PIGK: variants seen among roughly 807,000 people sequenced by gnomAD.
PIGK encodes the protein phosphatidylinositol glycan anchor biosynthesis class K.
Under a neutral mutation model 50.6 loss-of-function variants are expected in PIGK, and 42 were observed. The observed-to-expected ratio is 0.83, with a 90% confidence interval of 0.65 to 1.07. The LOEUF (loss-of-function observed/expected upper bound fraction) is 1.07. Among genes scored for constraint, PIGK ranks in the 50% least tolerant of loss-of-function variants. The pLI is 0.00. For missense variants in PIGK, 448 were observed against 488.7 expected, an observed-to-expected ratio of 0.92 and a Z score of 0.78; for synonymous variants, 151 against 156.0, an observed-to-expected ratio of 0.97 and a Z score of 0.24.
intron 9 of PIGK, among the ~76,000 whole-genome samples, chr1:77,125,242 A>G (rs996058457): frequency 6.6e-6 from 1 of 152,204 alleles, no homozygotes; most frequent in African/African-American, 2.4e-5. Context: ...AAAATTCCAA[A>G]CATGTTTCTG....
At chr1:77,204,149 T>C (rs1656235517) in intron 3 of PIGK, among the ~76,000 whole-genome samples, 2 of 152,134 alleles carry the variant, frequency 1.3e-5, no homozygotes, top group South Asian at 4.1e-4. Context: ...TATTGCTGAA[T>C]TGTTTTTCTC....
chr1:77,163,589 C>T (rs1655173595), intron 6 of PIGK, among the ~76,000 whole-genome samples: 1 of 152,002 alleles, frequency 6.6e-6, no homozygotes, highest in Non-Finnish European at 1.5e-5. Flanking sequence ...TGGAGGGACA[C>T]TTATTTCCTC....
At chr1:77,167,445 TGCAAAATTATTTATCTG>T (rs2100559499) in intron 4 of PIGK, among the ~76,000 whole-genome samples, 1 of 152,328 alleles carries the variant, frequency 6.6e-6, no homozygotes, top group African/African-American at 2.4e-5. Flanking sequence ...ACTAAAAAGC[TGCAAAATTATTTATCTG>T]GCTGGGCATG....
Position 77,089,221 on chromosome 1 carries a change from A to T in PIGK, c.*3153T>A, listed in dbSNP as rs1378083532. The T allele has an allele frequency of 6.6e-6, 1 of 152,238 alleles. No individual in the cohort carries two copies. The highest frequency in any genetic ancestry group is 6.5e-5 in the Admixed American group (1 of 15,282). 9.4% of individuals were successfully genotyped at this position (152,238 alleles called of 1,614,324 possible). Reference sequence around the variant, plus strand: ...TTAAGTAGCAGGTACATGTGTAAATAGGGCAGGCAGCAACAGAACAGCAAT... The same window carrying T: ...TTAAGTAGCAGGTACATGTGTAAATTGGGCAGGCAGCAACAGAACAGCAAT... On this transcript the variant is annotated 3_prime_UTR_variant, in exon 11 of 11. Coordinates refer to ENST00000370812, the MANE Select transcript of PIGK (RefSeq NM_005482.3).
At chr1:77,094,811 T>G (rs1653371734) in intron 10 of PIGK, among the ~76,000 whole-genome samples, 1 of 152,180 alleles carries the variant, frequency 6.6e-6, no homozygotes, top group South Asian at 2.1e-4. Context: ...TGGAGGCACT[T>G]CATTCTGGTC....
chr1:77,169,355 G>T lies in PIGK; in HGVS notation c.280C>A (p.Pro94Thr), dbSNP rs769893344. The change falls in exon 4 of 11, where the codon CCT (proline) becomes ACT (threonine). Residue 94 changes from proline (P) to threonine (T), a missense_variant. Transcript: ENST00000370812. ...ACTGTAGCTGGTTTGGGATTTCTAG[G>T]ATTACAGGCCATATCATCTGCAAGC... ...LMLADDMACN[P>T]RNPKPATVFS... 1 of 1,606,752 alleles carries T rather than the reference G, an allele frequency of 6.2e-7. No individual in the cohort carries two copies.
intron 9 of PIGK, among the ~76,000 whole-genome samples, chr1:77,123,997 G>A (rs568565735): frequency 2.0e-5 from 3 of 151,910 alleles, no homozygotes; most frequent in Admixed American, 6.6e-5. Context: ...GCAGGACACC[G>A]AGACAGTAAA....
intron 6 of PIGK, 69 bp from the exon 7 acceptor site, chr1:77,161,780 ACT>A (rs1491314297): frequency 2.7e-6 from 2 of 744,968 alleles, no homozygotes; most frequent in East Asian, 4.9e-5. Context: ...TTTCTACAAT[ACT>A]TTTGTAAGAT....
rs114379270 is a variant in PIGK at position 77,188,896 on chromosome 1, C to T, written c.239+17744G>A. Among the ~76,000 whole-genome samples, 573 of 152,264 alleles carry T rather than the reference C, an allele frequency of 3.8e-3. 5 individuals carry two copies. Among genetic ancestry groups the T allele is most frequent in the African/African-American group, 0.013 (542 of 41,546 alleles). ...AAAAAAACCAAGACTTGTTAAGGTG[C>T]TTGCTGAAGGCAAAAGGAATACAGG... On this transcript the variant is annotated intron_variant, in intron 3 of 10. Coordinates refer to ENST00000370812, the MANE Select transcript of PIGK (RefSeq NM_005482.3).
chr1:77,126,363 T>C (rs935774650), intron 9 of PIGK, among the ~76,000 whole-genome samples: 1 of 151,856 alleles, frequency 6.6e-6, no homozygotes, highest in African/African-American at 2.4e-5. Flanking sequence ...TAACAAGTTA[T>C]CTTGCAATGG....
chr1:77,177,965 T>A lies in PIGK; in HGVS notation c.240-8570A>T, dbSNP rs115853260. Among the ~76,000 whole-genome samples, 418 of 152,304 alleles carry A rather than the reference T, an allele frequency of 2.7e-3. 1 individual carries two copies. Among genetic ancestry groups the A allele is most frequent in the African/African-American group, 9.3e-3 (385 of 41,570 alleles). ...AAGAAGATGGCATCTTTTCCCAAGA[T>A]GACAGCTTTTCCCAAGATCACGAAT... On this transcript the variant is annotated intron_variant, in intron 3 of 10. Coordinates refer to ENST00000370812, the MANE Select transcript of PIGK (RefSeq NM_005482.3).
intron 10 of PIGK, among the ~76,000 whole-genome samples, chr1:77,121,361 C>T (rs527584565): frequency 3.3e-5 from 5 of 152,136 alleles, no homozygotes; most frequent in Non-Finnish European, 5.9e-5. Context: ...TTTGTAATTT[C>T]TCACAGAATT....
chr1:77,159,581 G>A (rs1430200798), intron 8 of PIGK, among the ~76,000 whole-genome samples: 1 of 152,212 alleles, frequency 6.6e-6, no homozygotes, highest in African/African-American at 2.4e-5. Context: ...AAAGCCACAA[G>A]GGCAAAGCTG....
intron 3 of PIGK, among the ~76,000 whole-genome samples, chr1:77,192,859 T>C (rs887058173): frequency 6.6e-6 from 1 of 152,200 alleles, no homozygotes; most frequent in African/African-American, 2.4e-5. Context: ...CTTTCTTGAT[T>C]GTCCTTTGCT....
chr1:77,169,015 C>T (rs1186007758), intron 4 of PIGK, among the ~76,000 whole-genome samples: 2 of 152,012 alleles, frequency 1.3e-5, no homozygotes, highest in African/African-American at 4.8e-5. Flanking sequence ...GGAAAACTCA[C>T]TATAATACTC....
intron 10 of PIGK, among the ~76,000 whole-genome samples, chr1:77,095,944 G>T (rs1381053663): frequency 1.3e-4 from 20 of 152,062 alleles, no homozygotes; most frequent in Admixed American, 1.3e-3. Flanking sequence ...GAAAAATTGA[G>T]GTGGGCTCTA....
intron 3 of PIGK, among the ~76,000 whole-genome samples, chr1:77,181,662 C>T (rs188243017): frequency 2.0e-5 from 3 of 152,266 alleles, no homozygotes; most frequent in Admixed American, 2.0e-4. Context: ...ATGAGGGTCA[C>T]AGGAATCTCT....
At chr1:77,202,698 A>T (rs1656198024) in intron 3 of PIGK, among the ~76,000 whole-genome samples, 1 of 152,216 alleles carries the variant, frequency 6.6e-6, no homozygotes, top group Non-Finnish European at 1.5e-5. Flanking sequence ...ATACAGAATA[A>T]GAAAAAAAAC....
At chr1:77,204,757 A>C (rs1656251911) in intron 3 of PIGK, among the ~76,000 whole-genome samples, 1 of 152,168 alleles carries the variant, frequency 6.6e-6, no homozygotes, top group Admixed American at 6.5e-5. Flanking sequence ...ACACTAGACT[A>C]ACAAAATTTA....
Sources: gnomAD v4.1 joint callset for allele counts (sites outside exome capture counted in the v4.1 genomes callset) on GRCh38, gnomAD v4.1.1 for gene constraint, MANE v1.5 for transcripts, NCBI Gene and HGNC (gene_info 2026-07-23, HGNC 2026-07-21) for gene names.